Variants in COL4A1 observed in about 807,000 individuals in gnomAD.
COL4A1 encodes collagen type IV alpha 1 chain.
Under a neutral mutation model 216.6 loss-of-function variants are expected in COL4A1, and 40 were observed. The observed-to-expected ratio is 0.18, with a 90% CI of 0.14 to 0.24. The LOEUF is 0.24. Among genes scored for constraint, COL4A1 ranks in the 10% least tolerant of loss-of-function variants. The pLI, the probability that COL4A1 is intolerant of heterozygous loss-of-function variation, is 1.00. For missense variants in COL4A1, 1,628 were observed against 2,196.8 expected (o/e 0.74, Z 5.18); for synonymous variants, 839 against 810.7 (o/e 1.03, Z -0.59).
intron 1 of COL4A1, among the ~76,000 whole-genome samples, chr13:110,300,081 A>G (rs1050433683): frequency 2.6e-4 from 40 of 152,342 alleles, no homozygotes; most frequent in African/African-American, 9.1e-4. Context: ...AAGCATTATT[A>G]GAGATGTAAT....
intron 36 of COL4A1, 115 bp from the exon 37 acceptor site, chr13:110,175,472 A>T: frequency 1.3e-6 from 2 of 1,530,638 alleles, no homozygotes; most frequent in Non-Finnish European, 1.8e-6. Flanking sequence ...AATCCCCCAC[A>T]ACCAGCCAAG....
intron 2 of COL4A1, among the ~76,000 whole-genome samples, chr13:110,228,237 CGG>C (rs59600040): frequency 2.7e-4 from 32 of 119,024 alleles, no homozygotes; most frequent in Non-Finnish European, 4.0e-4. Context: ...GGTGCGGGGG[CGG>C]GGGGGGGGTC....
At chr13:110,153,926 C>G (rs1319168466) in intron 50 of COL4A1, among the ~76,000 whole-genome samples, 1 of 152,188 alleles carries the variant, frequency 6.6e-6, no homozygotes, top group Non-Finnish European at 1.5e-5. Flanking sequence ...AGAGACCCTC[C>G]ACACGGCTGG....
chr13:110,165,117 C>CAAA, intron 45 of COL4A1, 127 bp from the exon 46 acceptor site: 1 of 1,385,030 alleles, frequency 7.2e-7, no homozygotes, highest in Non-Finnish European at 9.8e-7. Flanking sequence ...AAGTCATTAT[C>CAAA]AAAACCCAGG....
At chr13:110,177,760 G>T (rs1384789498) in intron 33 of COL4A1, 82 bp downstream of exon 33, 3 of 1,429,576 alleles carry the variant, frequency 2.1e-6, no homozygotes, top group African/African-American at 2.8e-5. Flanking sequence ...AGGGAAATAT[G>T]ATCTATGACA....
In COL4A1 at chr13:110,207,328, A is replaced by T; in HGVS notation, c.780+75T>A. 7.7e-7 allele frequency: 1 copy of T among 1,292,776 alleles called. No homozygotes were observed. Among genetic ancestry groups the T allele is most frequent in the East Asian group, 2.3e-5 (1 of 43,324 alleles). The allele number at this position is 1,292,776 out of a possible 1,614,324, so 80.1% of individuals were successfully genotyped here. On this transcript the variant is annotated intron_variant, in intron 13 of 51. Transcript: ENST00000375820. The surrounding 1 kb of genome is among the most constrained non-coding windows in gnomAD (Gnocchi z 4.4). ...ATGTAGCTGGAAAAACTGAGTTTTG[A>T]CCCATTTTCTCTTTATCTTTTGGAA...
At chr13:110,244,646 G>C (rs1431625889) in intron 1 of COL4A1, among the ~76,000 whole-genome samples, 7 of 152,196 alleles carry the variant, frequency 4.6e-5, no homozygotes, top group African/African-American at 1.7e-4. Flanking sequence ...TCCCTACCTG[G>C]CTCCTGCGAA....
At chr13:110,288,807 G>A (rs1391609651) in intron 1 of COL4A1, among the ~76,000 whole-genome samples, 1 of 152,164 alleles carries the variant, frequency 6.6e-6, no homozygotes, top group East Asian at 1.9e-4. Context: ...GCTGAGGTGG[G>A]CAGATCACGA....
At chr13:110,238,437 CGTGTGACAGAAGAACCTA>C (rs1197588813) in intron 2 of COL4A1, among the ~76,000 whole-genome samples, 16 of 152,184 alleles carry the variant, frequency 1.1e-4, no homozygotes, top group African/African-American at 2.9e-4. Context: ...TTCACATGTA[CGTGTGACAGAAGAACCTA>C]GTCTATATCT....
Position 110,203,610 on chromosome 13 carries a change from AC to A in COL4A1, c.958-4del, listed in dbSNP as rs773018457. On this transcript the variant is annotated splice_polypyrimidine_tract_variant and splice_region_variant and intron_variant, in intron 17 of 51. Transcript: ENST00000375820. ...GGACCTGCTTCACCCTTTTCTCCCT[AC>A]AAAAGAAAAAATAACTTTCCTTGCA... 129 of 1,614,134 alleles carry A rather than the reference AC, an allele frequency of 8.0e-5. 1 individual carries two copies. In the South Asian group the frequency reaches 1.2e-3, roughly 15 times the overall value.
At chr13:110,258,375 TA>T (rs796792272) in intron 1 of COL4A1, among the ~76,000 whole-genome samples, 1 of 151,908 alleles carries the variant, frequency 6.6e-6, no homozygotes, top group South Asian at 2.1e-4. Context: ...CCATCTCTAC[TA>T]AAAAAATACA....
In COL4A1 at chr13:110,155,113, G is replaced by A. The variant is rs77367271; in HGVS notation, c.4755+170C>T. On this transcript the variant is annotated intron_variant, in intron 50 of 51. Transcript: ENST00000375820. ...GGAGACCCCTGCTGTCACCAGGCAG[G>A]GCAGGCCAGGCTTTGAGGCATGCTT... 0.027 allele frequency among the ~76,000 whole-genome samples: 4,159 copies of A among 152,306 alleles called. 177 individuals are homozygous for A. Among genetic ancestry groups the A allele is most frequent in the African/African-American group, 0.095 (3,952 of 41,558 alleles).
intron 2 of COL4A1, among the ~76,000 whole-genome samples, chr13:110,234,697 T>C (rs1047895336): frequency 3.3e-5 from 5 of 152,156 alleles, no homozygotes; most frequent in African/African-American, 1.2e-4. Flanking sequence ...CTCTGAGACA[T>C]CCCAGGGCAA....
chr13:110,233,988 T>C (rs1427429905), intron 2 of COL4A1, among the ~76,000 whole-genome samples: 1 of 152,266 alleles, frequency 6.6e-6, no homozygotes, highest in Non-Finnish European at 1.5e-5. Flanking sequence ...TCCATGGATC[T>C]GTCTAGAGCT....
intron 1 of COL4A1, among the ~76,000 whole-genome samples, chr13:110,263,044 T>C (rs1265604951): frequency 6.6e-6 from 1 of 152,148 alleles, no homozygotes; most frequent in Non-Finnish European, 1.5e-5. Context: ...AGCAGGCAGG[T>C]AGGTCTAGCT....
At chr13:110,191,299 A>G (rs1747556832) in intron 24 of COL4A1, 1 of 177,830 alleles carries the variant, frequency 5.6e-6, no homozygotes, top group Non-Finnish European at 1.2e-5. Flanking sequence ...AAATTAAAAA[A>G]TTTGAAGGGC....
chr13:110,161,365 C>T lies in COL4A1; in HGVS notation c.4467G>A (p.Thr1489=), dbSNP rs781283258. Residue 1489 remains threonine, a synonymous_variant, in exon 49 of 52, where the codon ACG becomes ACA. Coordinates refer to ENST00000375820, the MANE Select transcript of COL4A1 (RefSeq NM_001845.6). ...TGAACTTGCGCAGGCAGCTGCCGGC[C>T]GTGCCTAGACAAGGAAGAAGACAAT... The part of the protein sequence containing the change: ...NERAHGQDLG[T]AGSCLRKFST... The T allele has an allele frequency of 1.5e-5, 24 of 1,609,894 alleles. No homozygotes were observed. In the East Asian group the frequency reaches 1.6e-4, roughly 10 times the overall value.
chr13:110,208,147 A>G (rs1879604461), intron 12 of COL4A1, among the ~76,000 whole-genome samples: 1 of 152,206 alleles, frequency 6.6e-6, no homozygotes, highest in South Asian at 2.1e-4. Flanking sequence ...AATGGCAGGC[A>G]TCCCTTCTTA....
rs758930260 is a variant in COL4A1 at position 110,149,584 on chromosome 13, T to TAGCAC, written c.*778_*779insGTGCT. On this transcript the variant is annotated 3_prime_UTR_variant, in exon 52 of 52. Transcript: ENST00000375820. ...AACGGATGTTTCACATTCAATATCC[T>TAGCAC]AGTCTTTAAAAACCTATGTTAAAGG... The TAGCAC allele has an allele frequency of 2.0e-5, 3 of 152,660 alleles. No homozygotes were observed. The highest frequency in any genetic ancestry group is 4.4e-5 in the Non-Finnish European group (3 of 68,050). 9.5% of individuals were successfully genotyped at this position (152,660 alleles called of 1,614,324 possible).
Sources: gnomAD v4.1 joint callset for allele counts (sites outside exome capture counted in the v4.1 genomes callset) on GRCh38, gnomAD v4.1.1 for gene constraint, Gnocchi (gnomAD v3.1) non-coding constraint, MANE v1.5 for transcripts, NCBI Gene and HGNC (gene_info 2026-07-23, HGNC 2026-07-21) for gene names.